ENPP2: variants seen among roughly 807,000 people sequenced by gnomAD.
The protein encoded by ENPP2 is ectonucleotide pyrophosphatase/phosphodiesterase 2.
In ENPP2, 51 loss-of-function variants were observed where a neutral mutation model predicts 120.2. That is an observed-to-expected ratio of 0.42 (90% CI 0.34 to 0.54). ENPP2 has a LOEUF of 0.54. ENPP2 is among the 20% of genes least tolerant of loss of function. ENPP2 has a pLI of 0.04. For synonymous variants in ENPP2, 365 were observed against 366.4 expected (o/e 1.00, Z 0.04); for missense variants, 920 against 1,066.5 (o/e 0.86, Z 1.91).
At chr8:119,564,684 ATAT>A (rs758432122) in intron 23 of ENPP2, 136 bp downstream of exon 23, 7 of 261,496 alleles carry the variant, frequency 2.7e-5, no homozygotes, top group East Asian at 9.1e-5. Flanking sequence ...TCTCAAAAAA[ATAT>A]ATATATATAT....
At chr8:119,618,119 A>G (rs1254586658) in intron 5 of ENPP2, 2 of 345,376 alleles carry the variant, frequency 5.8e-6, no homozygotes, top group South Asian at 2.2e-5. Flanking sequence ...GTCATGAAAC[A>G]TTTCTGTTTT....
chr8:119,659,016 C>A (rs1817844305), intron 1 of ENPP2, among the ~76,000 whole-genome samples: 1 of 152,008 alleles, frequency 6.6e-6, no homozygotes, highest in South Asian at 2.1e-4. Flanking sequence ...ACCTAGGCAC[C>A]CAAGACCAGA....
upstream of ENPP2, among the ~76,000 whole-genome samples, chr8:119,641,660 A>G (rs184439974): frequency 2.0e-5 from 3 of 152,364 alleles, no homozygotes; most frequent in East Asian, 1.9e-4. Context: ...TTTATTGGGT[A>G]TCAGAATCAC....
chr8:119,562,916 G>A lies in ENPP2; in HGVS notation c.2362C>T (p.Pro788Ser). 1.9e-6 allele frequency: 3 copies of A among 1,614,116 alleles called. No homozygotes were observed. The highest frequency in any genetic ancestry group is 2.5e-6 in the Non-Finnish European group (3 of 1,179,980). The change falls in exon 24 of 25, where the codon CCT (proline) becomes TCT (serine). Residue 788 changes from proline to serine, a missense_variant. Coordinates refer to ENST00000075322, the MANE Select transcript of ENPP2 (RefSeq NM_001040092.3). ...AGGATGAAGGAGGACACAGAGAGAG[G>A]GCCGTCACACTTGTCGGCAGGCTGA... ...FTQPADKCDG[P>S]LSVSSFILPH...
rs1815888379 is a variant in ENPP2, at chr8:119,621,450, G to A, written c.362C>T (p.Ser121Leu). The change falls in exon 4 of 25, where the codon TCA becomes TTA. Residue 121 changes from serine (S) to leucine (L), a missense_variant. Transcript: ENST00000075322. ...GTCTCCCCTGGCCAAGCAGTCCTCTGAGCAGTGACAGGCATTTTCTTCATT... is the reference window on the plus strand; with the variant it reads ...GTCTCCCCTGGCCAAGCAGTCCTCTAAGCAGTGACAGGCATTTTCTTCATT... Reference protein sequence around the residue: ...VRNEENACHCSEDCLARGDCC... With the variant: ...VRNEENACHCLEDCLARGDCC... 6.2e-7 allele frequency: 1 copy of A among 1,613,312 alleles called. No homozygotes were observed. The highest frequency in any genetic ancestry group is 8.5e-7 in the Non-Finnish European group (1 of 1,179,470).
intron 22 of ENPP2, among the ~76,000 whole-genome samples, chr8:119,566,313 G>A (rs931942458): frequency 4.6e-5 from 7 of 152,092 alleles, no homozygotes; most frequent in Non-Finnish European, 8.8e-5. Flanking sequence ...GATCGAATTC[G>A]CCATGCTGTC....
At chr8:119,637,463 G>C (rs1817068026) in intron 2 of ENPP2, among the ~76,000 whole-genome samples, 1 of 152,168 alleles carries the variant, frequency 6.6e-6, no homozygotes, top group Non-Finnish European at 1.5e-5. Flanking sequence ...ATCAATGTAT[G>C]TGTCCTAACC....
At chr8:119,668,240 C>T (rs1388401844) in intron 1 of ENPP2, among the ~76,000 whole-genome samples, 1 of 152,126 alleles carries the variant, frequency 6.6e-6, no homozygotes, top group Non-Finnish European at 1.5e-5. Flanking sequence ...TCTCCAACAT[C>T]TAGCAGAGTG....
chr8:119,569,742 C>CTG (rs55992622), intron 20 of ENPP2, among the ~76,000 whole-genome samples: 34,691 of 146,104 alleles, frequency 0.24, 4,204 homozygotes, highest in Admixed American at 0.33. Context: ...GACTATTTAT[C>CTG]TGTGTGTGTG....
intron 19 of ENPP2, among the ~76,000 whole-genome samples, chr8:119,575,535 A>G (rs1215044290): frequency 5.9e-5 from 9 of 152,168 alleles, no homozygotes; most frequent in Non-Finnish European, 4.4e-5. Flanking sequence ...TTCTTTTGAC[A>G]TATTCCCTTT....
At chr8:119,569,477 A>G in intron 20 of ENPP2, 107 bp from the exon 21 acceptor site, 2 of 995,242 alleles carry the variant, frequency 2.0e-6, no homozygotes, top group South Asian at 2.2e-5. Flanking sequence ...TGATAGTCTG[A>G]CTCCTTTTTT....
intron 2 of ENPP2, among the ~76,000 whole-genome samples, chr8:119,637,537 G>T (rs1817073060): frequency 1.3e-5 from 2 of 152,154 alleles, no homozygotes; most frequent in African/African-American, 4.8e-5. Context: ...ATAACAATCA[G>T]ATCAAGACAT....
At chr8:119,579,708 T>C (rs1812596010) in intron 19 of ENPP2, among the ~76,000 whole-genome samples, 1 of 151,722 alleles carries the variant, frequency 6.6e-6, no homozygotes, top group Non-Finnish European at 1.5e-5. Context: ...GGTGAATCTC[T>C]CCCTATCACA....
At chr8:119,563,476 G>A (rs2129951548) in intron 23 of ENPP2, among the ~76,000 whole-genome samples, 1 of 152,266 alleles carries the variant, frequency 6.6e-6, no homozygotes, top group African/African-American at 2.4e-5. Flanking sequence ...TCCTAGAGTT[G>A]TATAAAATGG....
At position 119,609,632 on chromosome 8, in the gene ENPP2, C is replaced by T. The variant is rs545132521; in HGVS notation, c.778-1655G>A. On this transcript the variant is annotated intron_variant, in intron 8 of 24. Coordinates refer to ENST00000075322, the MANE Select transcript of ENPP2 (RefSeq NM_001040092.3). The stretch of plus-strand genomic sequence containing the variant: ...GCACCTCCACCAGCAAGAAGATGAG[C>T]TCAAATGAAGTGCTGGACACACTAT... 3.3e-5 allele frequency among the ~76,000 whole-genome samples: 5 copies of T among 152,270 alleles called. No individual in the cohort carries two copies. In the East Asian group the frequency reaches 9.7e-4, roughly 29 times the overall value.
chr8:119,609,909 C>G (rs1385119332), intron 8 of ENPP2, among the ~76,000 whole-genome samples: 1 of 152,046 alleles, frequency 6.6e-6, no homozygotes, highest in Non-Finnish European at 1.5e-5. Context: ...CCTGCACTTT[C>G]AAAAAGTATA....
At chr8:119,594,604 T>G (rs917871541) in intron 11 of ENPP2, among the ~76,000 whole-genome samples, 1 of 152,232 alleles carries the variant, frequency 6.6e-6, no homozygotes, top group Non-Finnish European at 1.5e-5. Flanking sequence ...TACCCATATC[T>G]CATTTTCTTA....
At chr8:119,643,572 GC>G (rs1387496046), upstream of ENPP2, among the ~76,000 whole-genome samples, 2 of 152,134 alleles carry the variant, frequency 1.3e-5, no homozygotes, top group African/African-American at 4.8e-5. Context: ...CTACACATGA[GC>G]CCCGACACCA....
chr8:119,600,657 G>A, intron 11 of ENPP2, 21 bp downstream of exon 11: 1 of 1,524,262 alleles, frequency 6.6e-7, no homozygotes, highest in Non-Finnish European at 9.1e-7. Context: ...ATTCTTCTCA[G>A]GCAGATGCTA....
Sources: gnomAD v4.1 joint callset for allele counts (sites outside exome capture counted in the v4.1 genomes callset) on GRCh38, gnomAD v4.1.1 for gene constraint, MANE v1.5 for transcripts, NCBI Gene and HGNC (gene_info 2026-07-23, HGNC 2026-07-21) for gene names.